Variants in HOOK3 observed in about 807,000 individuals in gnomAD.
The protein encoded by HOOK3 is protein Hook homolog 3.
In HOOK3, 24 loss-of-function variants were observed where a neutral mutation model predicts 116.3. The ratio of observed to expected loss-of-function variants is 0.21; its 90% CI spans 0.15 to 0.29. The LOEUF is 0.29. Among genes scored for constraint, HOOK3 ranks in the 10% least tolerant of loss-of-function variants. The pLI, the probability that HOOK3 is intolerant of heterozygous loss-of-function variation, is 1.00. For missense variants in HOOK3, 632 were observed against 830.2 expected, an observed-to-expected ratio of 0.76 and a Z score of 2.93; for synonymous variants, 275 against 283.0, an observed-to-expected ratio of 0.97 and a Z score of 0.28.
At chr8:43,002,054 A>T (rs969764069) in intron 16 of HOOK3, 53 bp from the exon 17 acceptor site, 2 of 1,167,078 alleles carry the variant, frequency 1.7e-6, no homozygotes, top group African/African-American at 3.1e-5. Flanking sequence ...AAAAGAAAAT[A>T]CTATTTTAGT....
rs1563311998 is a variant in HOOK3 at position 43,003,167 on chromosome 8, G to A, written c.1655+1026G>A. ...TTAAAGTGTTACAACTTTACACTGT[G>A]CTAAACCAGACATCCTCAGTACCAC... On this transcript the variant is annotated intron_variant, in intron 17 of 21. Transcript: ENST00000307602. 1.3e-5 allele frequency among the ~76,000 whole-genome samples: 2 copies of A among 152,134 alleles called. 1 individual carries two copies. The highest frequency in any genetic ancestry group is 4.1e-4 in the South Asian group (2 of 4,822).
rs760587735 is a variant in HOOK3, at chr8:42,997,537, A to T, written c.1533-13A>T. ...CTCACCACTTGGAAAATTAATGTAC[A>T]TTTCATTTCTAGGCTGGTGAATCAA... On this transcript the variant is annotated splice_polypyrimidine_tract_variant and intron_variant, in intron 15 of 21. Transcript: ENST00000307602. 6.4e-7 allele frequency: 1 copy of T among 1,558,350 alleles called. No homozygotes were observed.
In HOOK3 at chr8:43,026,866, C is replaced by G. The variant is rs1392465883; in HGVS notation, c.*8368C>G. Reference sequence around the variant, plus strand: ...CTGTAACAGATAGGTTTTATGAACTCAGCTGTTTTCTTTTTTCTTTTTTTT... The same window carrying G: ...CTGTAACAGATAGGTTTTATGAACTGAGCTGTTTTCTTTTTTCTTTTTTTT... On this transcript the variant is annotated 3_prime_UTR_variant, in exon 22 of 22. Transcript: ENST00000307602. 4.7e-6 allele frequency: 1 copy of G among 210,546 alleles called. No homozygotes were observed. The highest frequency in any genetic ancestry group is 2.3e-5 in the African/African-American group (1 of 44,032). 13.0% of individuals were successfully genotyped at this position (210,546 alleles called of 1,614,324 possible).
At chr8:43,005,199 C>CTATA (rs59181434) in intron 17 of HOOK3, among the ~76,000 whole-genome samples, 20,295 of 93,378 alleles carry the variant, frequency 0.22, 3,217 homozygotes, top group South Asian at 0.28. Flanking sequence ...CTCTCTCTCT[C>CTATA]TATATATATA....
intron 18 of HOOK3, among the ~76,000 whole-genome samples, chr8:43,008,729 G>A (rs535461678): frequency 1.0e-4 from 15 of 144,274 alleles, no homozygotes; most frequent in Admixed American, 7.6e-4. Context: ...GCGGGATCTC[G>A]GCTCACTGCA....
In HOOK3 at chr8:43,029,975, C is replaced by T; in HGVS notation, c.*11477C>T. On this transcript the variant is annotated 3_prime_UTR_variant, in exon 22 of 22. Coordinates refer to ENST00000307602, the MANE Select transcript of HOOK3 (RefSeq NM_032410.4). ...GATATTGCTAGGTATATTCTTATTT[C>T]TGATTGAGTATTGAATTTACATTTT... The T allele has an allele frequency of 4.7e-6, 1 of 214,002 alleles. No individual in the cohort carries two copies. Among genetic ancestry groups the T allele is most frequent in the Non-Finnish European group, 9.4e-6 (1 of 106,054 alleles). 13.3% of individuals were successfully genotyped at this position (214,002 alleles called of 1,614,324 possible). A position where few individuals can be genotyped will look rare whatever the true frequency, so the allele number is the denominator to read the frequency against.
At chr8:42,909,891 A>T (rs922334826) in intron 2 of HOOK3, among the ~76,000 whole-genome samples, 2 of 152,160 alleles carry the variant, frequency 1.3e-5, no homozygotes, top group Non-Finnish European at 2.9e-5. Context: ...AAACAATTGA[A>T]CTCATAGAAG....
intron 4 of HOOK3, among the ~76,000 whole-genome samples, chr8:42,931,902 G>T (rs1449558429): frequency 1.3e-5 from 2 of 152,006 alleles, no homozygotes; most frequent in Non-Finnish European, 2.9e-5. Context: ...CTACAGGTGC[G>T]TACCACCACA....
chr8:42,918,880 T>C (rs1304817219), intron 2 of HOOK3, among the ~76,000 whole-genome samples: 1 of 152,256 alleles, frequency 6.6e-6, no homozygotes, highest in East Asian at 1.9e-4. Context: ...CCCCCTTTTC[T>C]ATTCGACAAA....
At chr8:42,897,337 G>A (rs1001244462) in intron 1 of HOOK3, 149 bp downstream of exon 1, 9 of 455,302 alleles carry the variant, frequency 2.0e-5, no homozygotes, top group Non-Finnish European at 3.2e-5. Context: ...GCTCGGCCCA[G>A]GGTCCGAGAG....
Position 43,019,055 on chromosome 8 carries a change from TA to T in HOOK3, c.*559del. ...GCAGAGGTGCTAATCACATCTTCCC[TA>T]AGGCACCTGGAAGAATTATTTGAGG... On this transcript the variant is annotated 3_prime_UTR_variant, in exon 22 of 22. Coordinates refer to ENST00000307602, the MANE Select transcript of HOOK3 (RefSeq NM_032410.4). 4.8e-6 allele frequency: 1 copy of T among 207,920 alleles called. No homozygotes were observed. The highest frequency in any genetic ancestry group is 1.6e-3 in the Middle Eastern group (1 of 618). 12.9% of individuals were successfully genotyped at this position (207,920 alleles called of 1,614,324 possible).
intron 2 of HOOK3, among the ~76,000 whole-genome samples, chr8:42,919,191 C>T (rs903899000): frequency 8.4e-5 from 12 of 142,880 alleles, no homozygotes; most frequent in Admixed American, 2.1e-4. Context: ...CACAGACGGG[C>T]GGCTGCTGGG....
In HOOK3 at chr8:43,022,696, A is replaced by G. The variant is rs948707096; in HGVS notation, c.*4198A>G. On this transcript the variant is annotated 3_prime_UTR_variant, in exon 22 of 22. Transcript: ENST00000307602. The stretch of plus-strand genomic sequence containing the variant: ...CCGTCATATCTTTTACCATTTGTCT[A>G]TTTGATAGTAATGCAGAAAAAAGTC... 5.5e-6 allele frequency: 1 copy of G among 180,894 alleles called. No homozygotes were observed. Among genetic ancestry groups the G allele is most frequent in the African/African-American group, 2.4e-5 (1 of 42,424 alleles). 11.2% of individuals were successfully genotyped at this position (180,894 alleles called of 1,614,324 possible). A position where few individuals can be genotyped will look rare whatever the true frequency, so the allele number is the denominator to read the frequency against.
At chr8:42,938,088 A>C (rs561293385) in intron 4 of HOOK3, among the ~76,000 whole-genome samples, 1 of 152,158 alleles carries the variant, frequency 6.6e-6, no homozygotes, top group South Asian at 2.1e-4. Context: ...TTGGGTGCAT[A>C]TATATTTAGG....
chr8:42,970,137 CTT>C (rs953241336), intron 11 of HOOK3, among the ~76,000 whole-genome samples: 1 of 152,086 alleles, frequency 6.6e-6, no homozygotes, highest in African/African-American at 2.4e-5. Context: ...CTTTGAGACT[CTT>C]TTTGTCTGTG....
At chr8:43,002,339 T>C (rs138038557) in intron 17 of HOOK3, among the ~76,000 whole-genome samples, 198 bp downstream of exon 17, 1 of 152,350 alleles carries the variant, frequency 6.6e-6, no homozygotes, top group African/African-American at 2.4e-5. Context: ...TAGAACTGCC[T>C]TCTCAAGTGA....
At chr8:43,006,180 C>T (rs1319161940) in intron 17 of HOOK3, among the ~76,000 whole-genome samples, 2 of 151,066 alleles carry the variant, frequency 1.3e-5, no homozygotes, top group Non-Finnish European at 2.9e-5. Context: ...ACCACCACGC[C>T]CAGCTAATTT....
intron 15 of HOOK3, among the ~76,000 whole-genome samples, chr8:42,992,375 G>A (rs921795299): frequency 3.4e-5 from 5 of 145,464 alleles, no homozygotes; most frequent in African/African-American, 1.0e-4. Flanking sequence ...ACTCCAGCCT[G>A]GGCGACAGAG....
chr8:42,913,161 A>C (rs1807466211), intron 2 of HOOK3, among the ~76,000 whole-genome samples: 1 of 152,122 alleles, frequency 6.6e-6, no homozygotes, highest in African/African-American at 2.4e-5. Flanking sequence ...CACATTTTAA[A>C]AAGGATACAA....
Sources: allele counts gnomAD v4.1 joint callset (sites outside exome capture counted in the v4.1 genomes callset), GRCh38; gene constraint gnomAD v4.1.1; transcripts MANE v1.5; gene names NCBI Gene and HGNC (gene_info 2026-07-23, HGNC 2026-07-21).